Variants in SCAPER observed in about 807,000 individuals in gnomAD.
SCAPER encodes S phase cyclin A-associated protein in the endoplasmic reticulum.
SCAPER carries 98 observed loss-of-function variants against 182.2 expected under a neutral mutation model. The observed-to-expected ratio is 0.54, with a 90% CI of 0.46 to 0.64. The LOEUF (loss-of-function observed/expected upper bound fraction) is 0.64. Ranked by LOEUF, SCAPER falls within the 30% of genes least tolerant of loss-of-function variation. The probability of loss-of-function intolerance (pLI) is 0.00; values close to 1 mark genes in which losing one functional copy is unlikely to be tolerated. For missense variants in SCAPER, 1,432 were observed against 1,690.0 expected (o/e 0.85, Z 2.68); for synonymous variants, 605 against 564.6 (o/e 1.07, Z -1.01).
At position 76,620,750 on chromosome 15, in the gene SCAPER, G is replaced by C. The variant is rs1156461188; in HGVS notation, c.2711+1014C>G. 1.3e-5 allele frequency among the ~76,000 whole-genome samples: 2 copies of C among 152,158 alleles called. 1 individual carries two copies. The highest frequency in any genetic ancestry group is 4.2e-4 in the South Asian group (2 of 4,806). ...GAGTCATCTATGCAAAATTAATGCA[G>C]GAACAGAAAACCAAACACCGCATGT... On this transcript the variant is annotated intron_variant, in intron 22 of 31. Coordinates refer to ENST00000563290, the MANE Select transcript of SCAPER (RefSeq NM_020843.4).
intron 22 of SCAPER, among the ~76,000 whole-genome samples, chr15:76,583,237 G>A (rs993083159): frequency 6.6e-6 from 1 of 151,852 alleles, no homozygotes; most frequent in African/African-American, 2.4e-5. Flanking sequence ...TCTAGTCCCA[G>A]CTACTCGGGA....
chr15:76,898,919 G>A (rs891950460), intron 1 of SCAPER, among the ~76,000 whole-genome samples: 3 of 152,152 alleles, frequency 2.0e-5, no homozygotes, highest in Non-Finnish European at 4.4e-5. Context: ...GGTATGTGAA[G>A]TATAGCTCAA....
At chr15:76,622,110 T>C (rs906944640) in intron 21 of SCAPER, among the ~76,000 whole-genome samples, 2 of 152,196 alleles carry the variant, frequency 1.3e-5, no homozygotes, top group East Asian at 1.9e-4. Context: ...TTGTTTTTTA[T>C]ACTGACTAAA....
At chr15:76,584,495 T>C (rs1285187275) in intron 22 of SCAPER, among the ~76,000 whole-genome samples, 2 of 150,994 alleles carry the variant, frequency 1.3e-5, no homozygotes, top group African/African-American at 2.5e-5. Flanking sequence ...ATGCATTATA[T>C]ACCTGTATCA....
At chr15:76,897,656 G>A (rs889065481) in intron 1 of SCAPER, among the ~76,000 whole-genome samples, 9 of 151,928 alleles carry the variant, frequency 5.9e-5, no homozygotes, top group African/African-American at 1.2e-4. Flanking sequence ...GCAGTGAGCC[G>A]AGATCACGCC....
chr15:76,708,068 C>A (rs957631649), intron 17 of SCAPER, among the ~76,000 whole-genome samples: 1 of 151,968 alleles, frequency 6.6e-6, no homozygotes. Context: ...CTAGGACACC[C>A]CCCCACCATA....
intron 26 of SCAPER, among the ~76,000 whole-genome samples, chr15:76,406,795 T>C (rs1034143035): frequency 2.6e-5 from 4 of 152,206 alleles, no homozygotes; most frequent in Admixed American, 2.6e-4. Context: ...CCTGGGGGCA[T>C]TGTTAAAGAT....
intron 26 of SCAPER, among the ~76,000 whole-genome samples, chr15:76,417,186 T>C (rs1274206499): frequency 6.6e-6 from 1 of 151,676 alleles, no homozygotes; most frequent in African/African-American, 2.4e-5. Context: ...TAATTATCTT[T>C]GGGTGGTGGA....
chr15:76,767,458 ATACTAT>A (rs1316858621), intron 10 of SCAPER, among the ~76,000 whole-genome samples: 5 of 152,236 alleles, frequency 3.3e-5, no homozygotes, highest in Non-Finnish European at 4.4e-5. Flanking sequence ...CCGAAATAGT[ATACTAT>A]AATGGGAACA....
intron 5 of SCAPER, among the ~76,000 whole-genome samples, chr15:76,821,391 G>A (rs1395215148): frequency 3.9e-5 from 6 of 152,244 alleles, no homozygotes; most frequent in East Asian, 3.8e-4. Flanking sequence ...GGCCAGGGCC[G>A]AGAAATCACT....
At chr15:76,615,999 G>A (rs1442027352) in intron 22 of SCAPER, among the ~76,000 whole-genome samples, 3 of 152,164 alleles carry the variant, frequency 2.0e-5, no homozygotes, top group Admixed American at 6.5e-5. Flanking sequence ...TGGAGATATT[G>A]TTACTCTTGT....
intron 20 of SCAPER, among the ~76,000 whole-genome samples, chr15:76,688,319 T>C (rs1383467261): frequency 6.6e-6 from 1 of 152,244 alleles, no homozygotes; most frequent in Non-Finnish European, 1.5e-5. Flanking sequence ...AAGTTATTTG[T>C]AGATTCTGGA....
At chr15:76,870,095 G>T (rs917425091) in intron 2 of SCAPER, among the ~76,000 whole-genome samples, 2 of 152,138 alleles carry the variant, frequency 1.3e-5, no homozygotes, top group Admixed American at 1.3e-4. Context: ...GCCAGGAAAA[G>T]TAGTGGAGTG....
chr15:76,825,958 T>A (rs1318502421), intron 5 of SCAPER, among the ~76,000 whole-genome samples: 1 of 152,184 alleles, frequency 6.6e-6, no homozygotes, highest in Non-Finnish European at 1.5e-5. Flanking sequence ...TTGGTCAGGC[T>A]GGTCTCGAAC....
At chr15:76,599,051 A>G (rs1392988614) in intron 22 of SCAPER, among the ~76,000 whole-genome samples, 1 of 121,204 alleles carries the variant, frequency 8.3e-6, no homozygotes, top group East Asian at 2.2e-4. Context: ...ATACACAAGT[A>G]TATAGATATC....
At chr15:76,761,426 G>T (rs1209567680) in intron 14 of SCAPER, among the ~76,000 whole-genome samples, 2 of 152,038 alleles carry the variant, frequency 1.3e-5, no homozygotes, top group Non-Finnish European at 2.9e-5. Context: ...AACTAGTGTA[G>T]GCATTTATTA....
intron 20 of SCAPER, among the ~76,000 whole-genome samples, chr15:76,668,015 C>G (rs1251483888): frequency 6.6e-6 from 1 of 152,050 alleles, no homozygotes; most frequent in Admixed American, 6.6e-5. Context: ...TGGAACATTT[C>G]CACAATCAGC....
At chr15:76,796,158 T>C (rs1345477609) in intron 7 of SCAPER, among the ~76,000 whole-genome samples, 1 of 152,238 alleles carries the variant, frequency 6.6e-6, no homozygotes, top group Non-Finnish European at 1.5e-5. Flanking sequence ...ATTTCTTACA[T>C]GAACCAAAAG....
At chr15:76,403,450 G>A (rs1168131233) in intron 27 of SCAPER, among the ~76,000 whole-genome samples, 1 of 152,120 alleles carries the variant, frequency 6.6e-6, no homozygotes, top group Admixed American at 6.5e-5. Flanking sequence ...TGGTGGTGAG[G>A]GACTGGGTAA....
Sources: allele counts gnomAD v4.1 joint callset (sites outside exome capture counted in the v4.1 genomes callset), GRCh38; gene constraint gnomAD v4.1.1; transcripts MANE v1.5; gene names NCBI Gene and HGNC (gene_info 2026-07-23, HGNC 2026-07-21).